CASK: variants seen among roughly 807,000 people sequenced by gnomAD.
CASK encodes peripheral plasma membrane protein CASK.
Under a neutral mutation model 82.9 loss-of-function variants are expected in CASK, and 4 were observed. The ratio of observed to expected loss-of-function variants is 0.05; its 90% CI spans 0.02 to 0.11. The LOEUF is 0.11. CASK is among the 10% of genes least tolerant of loss of function. CASK has a pLI of 1.00. For synonymous variants in CASK, 259 were observed against 253.5 expected (o/e 1.02, Z -0.20); for missense variants, 358 against 720.9 (o/e 0.50, Z 5.76).
intron 2 of CASK, among the ~76,000 whole-genome samples, chrX:41,804,610 T>C (rs1464916082): frequency 8.9e-6 from 1 of 111,752 alleles, no homozygotes; most frequent in Admixed American, 9.5e-5. Context: ...TCACTAAAAC[T>C]ACTAAGGTGA....
At chrX:41,765,182 G>A (rs1191649543) in intron 3 of CASK, among the ~76,000 whole-genome samples, 1 of 111,618 alleles carries the variant, frequency 9.0e-6, no homozygotes, top group Non-Finnish European at 1.9e-5. Context: ...AAGCATTCTG[G>A]TCAAGTCCAC....
At chrX:41,611,632 TCC>T (rs2066047968) in intron 11 of CASK, among the ~76,000 whole-genome samples, 55 of 49,792 alleles carry the variant, frequency 1.1e-3, no homozygotes, top group African/African-American at 4.2e-3. Flanking sequence ...CCTCTCTCTC[TCC>T]CTCTCCCTCT....
intron 12 of CASK, among the ~76,000 whole-genome samples, chrX:41,603,497 A>C (rs1423639967): frequency 2.7e-5 from 3 of 112,555 alleles, no homozygotes; most frequent in Non-Finnish European, 5.6e-5. Context: ...CATACAAAAT[A>C]TGAAAGATTC....
At chrX:41,607,619 C>T (rs1459833676) in intron 12 of CASK, among the ~76,000 whole-genome samples, 2 of 112,240 alleles carry the variant, frequency 1.8e-5, no homozygotes, top group Admixed American at 1.9e-4. Flanking sequence ...GACCCAATTC[C>T]TTATCTTCCT....
Position 41,814,744 on chromosome X carries a change from A to T in CASK, c.173-27461T>A, listed in dbSNP as rs1044170927. Among the ~76,000 whole-genome samples, 59 of 110,213 alleles carry T rather than the reference A, an allele frequency of 5.4e-4. 2 individuals carry two copies. The highest frequency in any genetic ancestry group is 9.5e-5 in the Non-Finnish European group (5 of 52,366). ...ACCCTAGAACTTAAAGTATAATAAT[A>T]AAAAAAAAGAAATGCAAATAAAGAT... On this transcript the variant is annotated intron_variant, in intron 2 of 26. Transcript: ENST00000378163.
rs1453776822 is a variant in CASK, at chrX:41,584,843, C to T, written c.1314+2064G>A. 37 of 112,404 alleles carry T rather than the reference C, an allele frequency of 3.3e-4. No individual in the cohort carries two copies. The Admixed American group carries it at 3.5e-3, about 11-fold the overall frequency. 9.3% of individuals were successfully genotyped at this position (112,404 alleles called of 1,213,427 possible). A position where few individuals can be genotyped will look rare whatever the true frequency, so the allele number is the denominator to read the frequency against. ...CAGCACATATGCATGAAACAGTGAA[C>T]AAGGTAATATTAACGGTAATTTAAC... On this transcript the variant is annotated intron_variant, in intron 14 of 26. Transcript: ENST00000378163.
At chrX:41,777,546 A>C (rs1461980298) in intron 3 of CASK, among the ~76,000 whole-genome samples, 2 of 110,892 alleles carry the variant, frequency 1.8e-5, no homozygotes, top group Non-Finnish European at 3.8e-5. Flanking sequence ...TTATTTGAGA[A>C]TTCTGAGAAT....
rs140824979 is a variant in CASK, at chrX:41,748,368, C to G, written c.279-2767G>C. ...GGTTACATTGGTGAATTTGAAATCA[C>G]TGATGATCATAGAGCTGGGAAAATT... On this transcript the variant is annotated intron_variant, in intron 3 of 26. Transcript: ENST00000378163. 365 of 147,160 alleles carry G rather than the reference C, an allele frequency of 2.5e-3. 1 individual carries two copies. The highest frequency in any genetic ancestry group is 0.011 in the African/African-American group (343 of 31,589). 12.1% of individuals were successfully genotyped at this position (147,160 alleles called of 1,213,427 possible). A position where few individuals can be genotyped will look rare whatever the true frequency, so the allele number is the denominator to read the frequency against.
intron 9 of CASK, among the ~76,000 whole-genome samples, chrX:41,633,321 T>A (rs1489136426): frequency 7.2e-5 from 8 of 110,690 alleles, no homozygotes; most frequent in Admixed American, 2.0e-4. Context: ...TCAGAATACA[T>A]TCCCTCCTGA....
chrX:41,703,272 A>T (rs2067832620), intron 5 of CASK, among the ~76,000 whole-genome samples: 1 of 111,993 alleles, frequency 8.9e-6, no homozygotes, highest in Non-Finnish European at 1.9e-5. Flanking sequence ...TTTACTTAAA[A>T]GTTTTTTCAT....
intron 16 of CASK, chrX:41,561,900 A>C: frequency 3.7e-6 from 1 of 272,018 alleles, no homozygotes; most frequent in Non-Finnish European, 6.4e-6. Flanking sequence ...GGTGGTATGT[A>C]TAGTGGTTTA....
At chrX:41,628,093 G>A (rs1023355458) in intron 9 of CASK, among the ~76,000 whole-genome samples, 11 of 112,583 alleles carry the variant, frequency 9.8e-5, no homozygotes, top group African/African-American at 3.5e-4. Context: ...TTTGCAAATT[G>A]TAAAGCATTC....
At chrX:41,891,879 T>C (rs2072176467) in intron 1 of CASK, among the ~76,000 whole-genome samples, 1 of 112,094 alleles carries the variant, frequency 8.9e-6, no homozygotes, top group South Asian at 3.7e-4. Flanking sequence ...AAACTAATAC[T>C]TTCATTGGTT....
rs139980797 is a variant in CASK, at chrX:41,678,804, G to A, written c.430-7274C>T. ...CACCTAGATTCTACAATTAAATATT[G>A]TTACATTTGCTTTATCAAATATCTA... On this transcript the variant is annotated intron_variant, in intron 5 of 26. Transcript: ENST00000378163. Among the ~76,000 whole-genome samples the A allele has an allele frequency of 8.4e-3, 929 of 110,775 alleles. 14 individuals are homozygous for A. Among genetic ancestry groups the A allele is most frequent in the African/African-American group, 0.029 (891 of 30,404 alleles).
chrX:41,640,490 C>A (rs1323787042), intron 8 of CASK, among the ~76,000 whole-genome samples: 1 of 111,533 alleles, frequency 9.0e-6, no homozygotes, highest in Non-Finnish European at 1.9e-5. Flanking sequence ...GTGTGAGCCA[C>A]CGCACCTGGC....
chrX:41,544,111 T>C (rs910389780), intron 21 of CASK, among the ~76,000 whole-genome samples: 1 of 112,525 alleles, frequency 8.9e-6, no homozygotes, highest in Non-Finnish European at 1.9e-5. Context: ...CTAGATATTA[T>C]GCTTTTGTTA....
intron 5 of CASK, among the ~76,000 whole-genome samples, chrX:41,691,778 T>C (rs1400221758): frequency 3.1e-5 from 3 of 97,880 alleles, no homozygotes; most frequent in African/African-American, 1.2e-4. Context: ...GAGGCGGAGG[T>C]TGCAGTGAGC....
chrX:41,682,989 C>G (rs2147527672), intron 5 of CASK, among the ~76,000 whole-genome samples: 1 of 110,954 alleles, frequency 9.0e-6, no homozygotes, highest in African/African-American at 3.3e-5. Flanking sequence ...TAGATGTTCT[C>G]TGTGGCATTT....
chrX:41,788,328 T>C (rs1191766789), intron 2 of CASK, among the ~76,000 whole-genome samples: 1 of 110,978 alleles, frequency 9.0e-6, no homozygotes, highest in Non-Finnish European at 1.9e-5. Context: ...ACAAAACAGT[T>C]TGGGCATGGA....
Sources: allele counts gnomAD v4.1 joint callset (sites outside exome capture counted in the v4.1 genomes callset), GRCh38; gene constraint gnomAD v4.1.1; transcripts MANE v1.5; gene names NCBI Gene and HGNC (gene_info 2026-07-23, HGNC 2026-07-21).